Variants in MGLL observed in about 807,000 individuals in gnomAD.
MGLL encodes the protein monoglyceride lipase, also known as lysophospholipase homolog.
A neutral mutation model predicts 29.1 loss-of-function variants in MGLL; 7 were observed. The observed-to-expected ratio is 0.24, with a 90% CI of 0.14 to 0.45. The LOEUF (loss-of-function observed/expected upper bound fraction) is 0.45, where lower values mean the gene tolerates loss of function less well. Ranked by LOEUF, MGLL falls within the 20% of genes least tolerant of loss-of-function variation. MGLL has a pLI of 0.99. For synonymous variants in MGLL, 148 were observed against 168.3 expected, an observed-to-expected ratio of 0.88 and a Z score of 0.93; for missense variants, 356 against 413.6, an observed-to-expected ratio of 0.86 and a Z score of 1.21.
At chr3:127,733,976 C>T (rs1436217574) in intron 3 of MGLL, among the ~76,000 whole-genome samples, 2 of 152,222 alleles carry the variant, frequency 1.3e-5, no homozygotes, top group Non-Finnish European at 2.9e-5. Flanking sequence ...AATCGTACAG[C>T]GTAGAGCGTT....
At chr3:127,723,604 C>A (rs1365820669) in intron 3 of MGLL, among the ~76,000 whole-genome samples, 2 of 152,104 alleles carry the variant, frequency 1.3e-5, no homozygotes, top group Non-Finnish European at 2.9e-5. Context: ...AGTCCCACTA[C>A]CCTCTCAGCA....
chr3:127,741,627 G>C (rs761236740), intron 3 of MGLL, among the ~76,000 whole-genome samples: 14 of 152,226 alleles, frequency 9.2e-5, no homozygotes, highest in Non-Finnish European at 1.9e-4. Context: ...AGTGTAATTT[G>C]CCTCCTTGCT....
At position 127,793,547 on chromosome 3, in the gene MGLL, T is replaced by C. The variant is rs534647674; in HGVS notation, c.156-11652A>G. Among the ~76,000 whole-genome samples, 7 of 152,328 alleles carry C rather than the reference T, an allele frequency of 4.6e-5. No individual in the cohort carries two copies. The South Asian group carries it at 1.5e-3, about 32-fold the overall frequency. On this transcript the variant is annotated intron_variant, in intron 2 of 7. Coordinates refer to ENST00000265052, the MANE Select transcript of MGLL (RefSeq NM_007283.7). ...TCCCCTCTGCATAAGTGGGTCTTAT[T>C]TTATAGATGCCAAGTCTTCTTCATT...
intron 2 of MGLL, among the ~76,000 whole-genome samples, chr3:127,785,717 C>T (rs1243094765): frequency 1.3e-5 from 2 of 152,222 alleles, no homozygotes; most frequent in African/African-American, 2.4e-5. Flanking sequence ...TTTCTTCAGC[C>T]GAGTCTGCAA....
chr3:127,714,932 G>A (rs2075786781), intron 5 of MGLL, among the ~76,000 whole-genome samples: 1 of 152,218 alleles, frequency 6.6e-6, no homozygotes, highest in South Asian at 2.1e-4. Context: ...AGCGGGCACA[G>A]CACACCCATC....
intron 3 of MGLL, among the ~76,000 whole-genome samples, chr3:127,744,719 A>G (rs1229774994): frequency 6.6e-6 from 1 of 152,228 alleles, no homozygotes; most frequent in Non-Finnish European, 1.5e-5. Flanking sequence ...CAAACTGCAG[A>G]GCTCCATGAG....
At chr3:127,726,761 C>A (rs1445587758) in intron 3 of MGLL, among the ~76,000 whole-genome samples, 1 of 151,278 alleles carries the variant, frequency 6.6e-6, no homozygotes, top group East Asian at 2.1e-4. Flanking sequence ...TCTTGCAAAC[C>A]TTCTGTGAAG....
In MGLL at chr3:127,761,362, T is replaced by G. The variant is rs143025710; in HGVS notation, c.262+20427A>C. Among the ~76,000 whole-genome samples, 297 of 152,242 alleles carry G rather than the reference T, an allele frequency of 2.0e-3. 2 individuals carry two copies. The highest frequency in any genetic ancestry group is 6.5e-3 in the African/African-American group (270 of 41,538). ...ACCGTGTTGTGTTGGGGGTGCTGGCTTAGTTTAGGGTGGGGATGAGAAGCT... is the reference window on the plus strand; with the variant it reads ...ACCGTGTTGTGTTGGGGGTGCTGGCGTAGTTTAGGGTGGGGATGAGAAGCT... On this transcript the variant is annotated intron_variant, in intron 3 of 7. Transcript: ENST00000265052. This position sits in a 1 kb window ranked among gnomAD's most constrained non-coding sequence, Gnocchi z 4.6.
intron 3 of MGLL, chr3:127,735,617 A>G: frequency 2.2e-6 from 3 of 1,352,606 alleles, no homozygotes; most frequent in Non-Finnish European, 2.0e-6. Context: ...AGAGAATGAA[A>G]CACAAATTCC....
At chr3:127,702,897 G>A (rs2075522282) in intron 6 of MGLL, among the ~76,000 whole-genome samples, 1 of 152,184 alleles carries the variant, frequency 6.6e-6, no homozygotes, top group Non-Finnish European at 1.5e-5. Flanking sequence ...GTTTCACCAT[G>A]TTGGCCAGGC....
intron 6 of MGLL, among the ~76,000 whole-genome samples, chr3:127,709,671 A>G (rs772604425): frequency 5.9e-5 from 9 of 152,206 alleles, no homozygotes; most frequent in Non-Finnish European, 1.2e-4. Flanking sequence ...CAATGATTTC[A>G]AACTCCTAAA....
intron 3 of MGLL, among the ~76,000 whole-genome samples, chr3:127,732,128 C>T (rs1576518974): frequency 6.6e-6 from 1 of 152,158 alleles, no homozygotes; most frequent in Non-Finnish European, 1.5e-5. Flanking sequence ...GGGAACCAGG[C>T]TTTCTTAGCA....
intron 3 of MGLL, among the ~76,000 whole-genome samples, chr3:127,760,676 A>G (rs1347264576): frequency 1.3e-5 from 2 of 152,242 alleles, no homozygotes; most frequent in Non-Finnish European, 1.5e-5. Context: ...CCCCACGCCA[A>G]GCTGCTCAGA....
chr3:127,771,344 T>C (rs2076944931), intron 3 of MGLL, among the ~76,000 whole-genome samples: 1 of 152,086 alleles, frequency 6.6e-6, no homozygotes, highest in Admixed American at 6.5e-5. Flanking sequence ...CTTCCTCCAG[T>C]TATGCATTTT....
intron 3 of MGLL, among the ~76,000 whole-genome samples, chr3:127,743,294 A>G (rs141577446): frequency 6.6e-6 from 1 of 152,228 alleles, no homozygotes; most frequent in East Asian, 1.9e-4. Flanking sequence ...GCATCTCCAT[A>G]TTTCCTTCCT....
chr3:127,691,919 T>C lies in MGLL; in HGVS notation c.*279A>G. On this transcript the variant is annotated 3_prime_UTR_variant, in exon 8 of 8. Coordinates refer to ENST00000265052, the MANE Select transcript of MGLL (RefSeq NM_007283.7). ...GGGAGAGGCAGGGCAGAGGCTTGGC[T>C]TTGTTTTCAGTGGACATTTTAGCAC... is the stretch of plus-strand genomic sequence containing the variant. 1 of 437,878 alleles carries C rather than the reference T, an allele frequency of 2.3e-6. No individual in the cohort carries two copies. The highest frequency in any genetic ancestry group is 4.1e-6 in the Non-Finnish European group (1 of 241,100). The allele number at this position is 437,878 out of a possible 1,614,324, so 27.1% of individuals were successfully genotyped here. A position where few individuals can be genotyped will look rare whatever the true frequency, so the allele number is the denominator to read the frequency against.
chr3:127,795,937 T>C (rs979114501), intron 2 of MGLL, among the ~76,000 whole-genome samples: 1 of 152,228 alleles, frequency 6.6e-6, no homozygotes, highest in Non-Finnish European at 1.5e-5. Context: ...TCCAAATATA[T>C]TAAAATTTGT....
chr3:127,785,715 GC>G (rs1045837639), intron 2 of MGLL, among the ~76,000 whole-genome samples: 1 of 152,236 alleles, frequency 6.6e-6, no homozygotes, highest in African/African-American at 2.4e-5. Flanking sequence ...CTTTTCTTCA[GC>G]CGAGTCTGCA....
intron 2 of MGLL, among the ~76,000 whole-genome samples, chr3:127,794,564 G>A (rs1357784825): frequency 6.6e-6 from 1 of 152,138 alleles, no homozygotes; most frequent in Non-Finnish European, 1.5e-5. Context: ...CTTCTGTGAT[G>A]TAAGGCTGTC....
Sources: allele counts gnomAD v4.1 joint callset (sites outside exome capture counted in the v4.1 genomes callset), GRCh38; gene constraint gnomAD v4.1.1; non-coding constraint Gnocchi (gnomAD v3.1); transcripts MANE v1.5; gene names NCBI Gene and HGNC (gene_info 2026-07-23, HGNC 2026-07-21).